PAX5: variants seen among roughly 807,000 people sequenced by gnomAD.
PAX5 encodes the protein paired box protein Pax-5.
Under a neutral mutation model 43.7 loss-of-function variants are expected in PAX5, and 9 were observed. The ratio of observed to expected loss-of-function variants is 0.21; its 90% CI spans 0.12 to 0.36. PAX5 has a LOEUF of 0.36. PAX5 is among the 10% of genes least tolerant of loss of function. The pLI, the probability that PAX5 is intolerant of heterozygous loss-of-function variation, is 1.00. For synonymous variants in PAX5, 228 were observed against 214.3 expected, an observed-to-expected ratio of 1.06 and a Z score of -0.56; for missense variants, 383 against 532.7, an observed-to-expected ratio of 0.72 and a Z score of 2.77.
chr9:36,981,185 G>GGGCCC (rs1554676937), intron 5 of PAX5, among the ~76,000 whole-genome samples: 1 of 106,470 alleles, frequency 9.4e-6, no homozygotes, highest in African/African-American at 4.0e-5. Context: ...AAACAGCAAA[G>GGGCCC]CCCCCCCCCC....
chr9:36,998,030 C>A (rs906895842), intron 5 of PAX5, among the ~76,000 whole-genome samples: 2 of 152,248 alleles, frequency 1.3e-5, no homozygotes, highest in South Asian at 4.1e-4. Context: ...AGCGCCTGCT[C>A]ACACCTCTGA....
intron 8 of PAX5, among the ~76,000 whole-genome samples, chr9:36,857,920 A>G (rs1263856474): frequency 6.6e-6 from 1 of 152,174 alleles, no homozygotes; most frequent in African/African-American, 2.4e-5. Context: ...TAGAAAGGGG[A>G]GCGCTGATTT....
At chr9:36,964,699 C>A (rs79466159) in intron 6 of PAX5, among the ~76,000 whole-genome samples, 1 of 152,140 alleles carries the variant, frequency 6.6e-6, no homozygotes, top group Non-Finnish European at 1.5e-5. Flanking sequence ...ACTCTCCTCC[C>A]GTGTCAGAGA....
chr9:36,893,738 T>C (rs1458539463), intron 7 of PAX5, among the ~76,000 whole-genome samples: 1 of 152,120 alleles, frequency 6.6e-6, no homozygotes, highest in African/African-American at 2.4e-5. Flanking sequence ...GCCGCGATAG[T>C]CTGGGGTACT....
intron 5 of PAX5, among the ~76,000 whole-genome samples, chr9:37,002,330 T>C (rs1837950761): frequency 6.6e-6 from 1 of 152,134 alleles, no homozygotes; most frequent in Non-Finnish European, 1.5e-5. Flanking sequence ...TCGGGCCGCA[T>C]ATCTGCACGC....
intron 4 of PAX5, among the ~76,000 whole-genome samples, chr9:37,005,392 G>T (rs868664899): frequency 6.6e-6 from 1 of 152,234 alleles, no homozygotes; most frequent in Non-Finnish European, 1.5e-5. Flanking sequence ...ACTAAATGAG[G>T]AATTATTTCA....
intron 7 of PAX5, among the ~76,000 whole-genome samples, chr9:36,903,915 C>A (rs1032432317): frequency 6.6e-6 from 1 of 152,220 alleles, no homozygotes; most frequent in African/African-American, 2.4e-5. Context: ...TGCCATGACT[C>A]ACCAGGCTTT....
At chr9:36,855,733 A>G (rs1037118846) in intron 8 of PAX5, among the ~76,000 whole-genome samples, 4 of 147,488 alleles carry the variant, frequency 2.7e-5, no homozygotes, top group Non-Finnish European at 6.1e-5. Flanking sequence ...CTCCACCCCT[A>G]CCCGCCACAA....
chr9:36,841,223 A>C (rs1822016935), intron 9 of PAX5, among the ~76,000 whole-genome samples: 1 of 152,218 alleles, frequency 6.6e-6, no homozygotes, highest in Non-Finnish European at 1.5e-5. Context: ...AACTCCTTGC[A>C]GCTGTCTCAT....
At chr9:36,991,934 C>T (rs796290596) in intron 5 of PAX5, among the ~76,000 whole-genome samples, 4 of 152,268 alleles carry the variant, frequency 2.6e-5, no homozygotes, top group South Asian at 2.1e-4. Context: ...TATCCTTCTT[C>T]CTCTCTCAAT....
chr9:36,892,769 A>G lies in PAX5; in HGVS notation c.911-10664T>C, dbSNP rs143202186. On this transcript the variant is annotated intron_variant, in intron 7 of 9. Transcript: ENST00000358127. Reference sequence around the variant, plus strand: ...TTATGATACTTGCCTGTGGTGGAATATTTATTATACAGTTTTGAGAAACAA... The same window carrying G: ...TTATGATACTTGCCTGTGGTGGAATGTTTATTATACAGTTTTGAGAAACAA... Among the ~76,000 whole-genome samples the G allele has an allele frequency of 2.8e-4, 43 of 152,348 alleles. No homozygotes were observed. In the East Asian group the frequency reaches 7.5e-3, roughly 27 times the overall value.
At chr9:36,887,288 G>C (rs1826984400) in intron 7 of PAX5, among the ~76,000 whole-genome samples, 1 of 152,026 alleles carries the variant, frequency 6.6e-6, no homozygotes, top group Non-Finnish European at 1.5e-5. Flanking sequence ...TTTAAACAAA[G>C]GCTCAAAAGA....
At chr9:36,885,119 G>A (rs1228425573) in intron 7 of PAX5, among the ~76,000 whole-genome samples, 3 of 152,220 alleles carry the variant, frequency 2.0e-5, no homozygotes, top group Non-Finnish European at 4.4e-5. Flanking sequence ...AGGGAGAGAA[G>A]CTGACAGCTT....
At chr9:36,871,674 T>C (rs1825507461) in intron 8 of PAX5, among the ~76,000 whole-genome samples, 1 of 150,098 alleles carries the variant, frequency 6.7e-6, no homozygotes, top group African/African-American at 2.4e-5. Context: ...CCCAAACACA[T>C]GTTCTCACAT....
chr9:36,893,237 C>T (rs1380793982), intron 7 of PAX5, among the ~76,000 whole-genome samples: 1 of 152,232 alleles, frequency 6.6e-6, no homozygotes, highest in African/African-American at 2.4e-5. Context: ...GCCCCCACTG[C>T]AGCCGCTCTC....
chr9:36,899,148 CA>C (rs922237271), intron 7 of PAX5, among the ~76,000 whole-genome samples: 3 of 152,222 alleles, frequency 2.0e-5, no homozygotes, highest in Admixed American at 2.0e-4. Context: ...CATGCCTTAG[CA>C]AATGTTGCCG....
At chr9:36,866,516 C>G (rs1039145349) in intron 8 of PAX5, among the ~76,000 whole-genome samples, 4 of 152,198 alleles carry the variant, frequency 2.6e-5, no homozygotes, top group Non-Finnish European at 4.4e-5. Flanking sequence ...GGGAGAGGAT[C>G]TGCATTCAGG....
At chr9:36,928,298 TC>T (rs1305642326) in intron 6 of PAX5, among the ~76,000 whole-genome samples, 2 of 152,076 alleles carry the variant, frequency 1.3e-5, no homozygotes, top group African/African-American at 4.8e-5. Context: ...GCCTGGAGGG[TC>T]CCTCTCACTC....
At chr9:36,908,805 T>C (rs1012804174) in intron 7 of PAX5, among the ~76,000 whole-genome samples, 1 of 152,196 alleles carries the variant, frequency 6.6e-6, no homozygotes. Flanking sequence ...TAAAAATCTA[T>C]GAGACCATTA....
Sources: allele counts gnomAD v4.1 joint callset (sites outside exome capture counted in the v4.1 genomes callset), GRCh38; gene constraint gnomAD v4.1.1; transcripts MANE v1.5; gene names NCBI Gene and HGNC (gene_info 2026-07-23, HGNC 2026-07-21).